MID1: variants seen among roughly 807,000 people sequenced by gnomAD.
MID1 encodes E3 ubiquitin-protein ligase Midline-1.
A neutral mutation model predicts 40.4 loss-of-function variants in MID1; 7 were observed. The ratio of observed to expected loss-of-function variants is 0.17; its 90% CI spans 0.10 to 0.33. The LOEUF (loss-of-function observed/expected upper bound fraction) is 0.33, where lower values mean the gene tolerates loss of function less well. MID1 is among the 10% of genes least tolerant of loss of function. The pLI is 1.00. For missense variants in MID1, 367 were observed against 558.5 expected (o/e 0.66, Z 3.46); for synonymous variants, 229 against 221.2 (o/e 1.04, Z -0.31).
intron 1 of MID1, among the ~76,000 whole-genome samples, chrX:10,708,846 CA>C (rs2043247606): frequency 8.9e-6 from 1 of 112,144 alleles, no homozygotes; most frequent in South Asian, 3.7e-4. Context: ...ACCAAATTTA[CA>C]AAGGGATTCC....
chrX:10,484,708 G>A (rs1263546663), intron 4 of MID1, among the ~76,000 whole-genome samples: 1 of 111,987 alleles, frequency 8.9e-6, no homozygotes, highest in African/African-American at 3.2e-5. Flanking sequence ...TTGGGTCTAC[G>A]CTCCAATATT....
rs998137990 is a variant in MID1, at chrX:10,445,743, C to G, written c.*3625G>C. Reference sequence around the variant, plus strand: ...AGCTGATACAGATGATGATACTTATCAGTGATTCCCATTTACACAGGCTTG... The same window carrying G: ...AGCTGATACAGATGATGATACTTATGAGTGATTCCCATTTACACAGGCTTG... On this transcript the variant is annotated 3_prime_UTR_variant, in exon 10 of 10. Transcript: ENST00000317552. The G allele has an allele frequency of 9.0e-6, 1 of 111,612 alleles. No individual in the cohort carries two copies. 9.2% of individuals were successfully genotyped at this position (111,612 alleles called of 1,213,427 possible).
chrX:10,820,003 T>C (rs1228006207), intron 1 of MID1, among the ~76,000 whole-genome samples: 2 of 112,087 alleles, frequency 1.8e-5, no homozygotes, highest in Admixed American at 1.9e-4. Flanking sequence ...CTTTTTTCCA[T>C]AGGCCAAGCT....
intron 2 of MID1, among the ~76,000 whole-genome samples, chrX:10,526,600 C>T (rs1328758445): frequency 2.7e-5 from 3 of 111,552 alleles, no homozygotes; most frequent in Non-Finnish European, 3.8e-5. Flanking sequence ...AGTTAGTCAG[C>T]AAAAGAGGGC....
At chrX:10,766,007 G>GA (rs1214971167) in intron 1 of MID1, among the ~76,000 whole-genome samples, 1 of 95,702 alleles carries the variant, frequency 1.0e-5, no homozygotes, top group African/African-American at 3.7e-5. Context: ...AAGAAAGAAA[G>GA]AACCAAAACC....
intron 1 of MID1, among the ~76,000 whole-genome samples, chrX:10,751,566 G>A (rs2043598771): frequency 9.0e-6 from 1 of 111,394 alleles, no homozygotes; most frequent in African/African-American, 3.3e-5. Context: ...AAGAGGTTGA[G>A]CCTTCAGTGA....
intron 1 of MID1, among the ~76,000 whole-genome samples, chrX:10,816,959 T>C (rs2044139348): frequency 9.0e-6 from 1 of 111,686 alleles, no homozygotes. Flanking sequence ...TTTACTGAAA[T>C]TTTCTAGTTA....
chrX:10,755,202 CCT>C (rs2043625138), intron 1 of MID1, among the ~76,000 whole-genome samples: 2 of 111,655 alleles, frequency 1.8e-5, no homozygotes, highest in African/African-American at 3.3e-5. Context: ...AAATATGTCC[CCT>C]GTTAAGACAT....
chrX:10,823,526 C>G (rs1342716255), intron 1 of MID1, among the ~76,000 whole-genome samples: 1 of 111,373 alleles, frequency 9.0e-6, no homozygotes, highest in East Asian at 2.8e-4. Context: ...TTTCTTATAT[C>G]TTTCATCTAA....
chrX:10,737,048 A>G (rs1178859474), intron 1 of MID1, among the ~76,000 whole-genome samples: 2 of 112,001 alleles, frequency 1.8e-5, no homozygotes, highest in African/African-American at 3.2e-5. Context: ...GTGTGTGTGT[A>G]TTCTCACACA....
chrX:10,607,680 G>A (rs1935650089), intron 1 of MID1, among the ~76,000 whole-genome samples: 1 of 112,476 alleles, frequency 8.9e-6, no homozygotes, highest in Non-Finnish European at 1.9e-5. Context: ...TGTTGGAAAA[G>A]GGGAGAGGAA....
At chrX:10,455,099 A>C in intron 8 of MID1, 22 bp from the exon 9 acceptor site, 1 of 1,118,011 alleles carries the variant, frequency 8.9e-7, no homozygotes, top group Non-Finnish European at 1.2e-6. Flanking sequence ...TTCACAAAAC[A>C]GAAAAAGGAA....
intron 2 of MID1, among the ~76,000 whole-genome samples, chrX:10,530,306 G>A (rs188447461): frequency 9.0e-6 from 1 of 111,363 alleles, no homozygotes; most frequent in East Asian, 2.8e-4. Context: ...ATTCTGTGAG[G>A]TTTACGACTT....
chrX:10,648,049 T>C (rs758724059), intron 1 of MID1, among the ~76,000 whole-genome samples: 303 of 112,173 alleles, frequency 2.7e-3, no homozygotes, highest in Non-Finnish European at 4.6e-3. Context: ...AATATGAGAT[T>C]CCACTGCCAT....
intron 1 of MID1, among the ~76,000 whole-genome samples, chrX:10,718,715 G>A (rs1181364957): frequency 9.0e-6 from 1 of 111,691 alleles, no homozygotes; most frequent in Non-Finnish European, 1.9e-5. Flanking sequence ...GCATCATCCT[G>A]ATACCAAAGC....
chrX:10,741,938 C>T (rs2043525832), intron 1 of MID1, among the ~76,000 whole-genome samples: 1 of 111,392 alleles, frequency 9.0e-6, no homozygotes, highest in Non-Finnish European at 1.9e-5. Flanking sequence ...CTATAAAGCT[C>T]TTGGTAATAA....
chrX:10,626,091 C>G (rs1250625776), intron 1 of MID1, among the ~76,000 whole-genome samples: 1 of 109,918 alleles, frequency 9.1e-6, no homozygotes, highest in Non-Finnish European at 1.9e-5. Flanking sequence ...CCAGGCAAAA[C>G]AAAAGAATGC....
intron 1 of MID1, among the ~76,000 whole-genome samples, chrX:10,805,340 G>A (rs1243829057): frequency 2.9e-5 from 3 of 102,522 alleles, no homozygotes; most frequent in African/African-American, 7.2e-5. Flanking sequence ...TTGTTCTTGC[G>A]ATAGTTTACT....
At chrX:10,506,378 A>G (rs1268741167) in intron 3 of MID1, 1 of 1,081,887 alleles carries the variant, frequency 9.2e-7, no homozygotes, top group Admixed American at 2.7e-5. Flanking sequence ...TAGGAAGTGA[A>G]ACAGGGACAA....
Sources: allele counts gnomAD v4.1 joint callset (sites outside exome capture counted in the v4.1 genomes callset), GRCh38; gene constraint gnomAD v4.1.1; transcripts MANE v1.5; gene names NCBI Gene and HGNC (gene_info 2026-07-23, HGNC 2026-07-21).